The following FHIP1A variants were observed in gnomAD, a reference collection of about 807,000 sequenced individuals.
The protein encoded by FHIP1A is FHF complex subunit HOOK interacting protein 1A, also known as FHF complex subunit HOOK-interacting protein 1A.
Under a neutral mutation model 88.6 loss-of-function variants are expected in FHIP1A, and 61 were observed. The ratio of observed to expected loss-of-function variants is 0.69; its 90% confidence interval spans 0.56 to 0.85. The LOEUF is 0.85. Ranked by LOEUF, FHIP1A falls within the 40% of genes least tolerant of loss-of-function variation. FHIP1A has a pLI of 0.00. For synonymous variants in FHIP1A, 478 were observed against 496.0 expected (o/e 0.96, Z 0.48); for missense variants, 1,154 against 1,273.5 (o/e 0.91, Z 1.43).
Position 151,665,875 on chromosome 4 carries a change from T to C in FHIP1A, c.*3121T>C, listed in dbSNP as rs1321970161. 7.2e-5 allele frequency among the ~76,000 whole-genome samples: 11 copies of C among 152,248 alleles called. No homozygotes were observed. Among genetic ancestry groups the C allele is most frequent in the Admixed American group, 7.2e-4 (11 of 15,288 alleles). ...GTGGACACTTCTCTATGTGACAGGCTCCTACACCAGTCGCTGTGCTCCTTG... is the reference window on the plus strand; with the variant it reads ...GTGGACACTTCTCTATGTGACAGGCCCCTACACCAGTCGCTGTGCTCCTTG... On this transcript the variant is annotated 3_prime_UTR_variant, in exon 14 of 14. Coordinates refer to ENST00000435205, the MANE Select transcript of FHIP1A (RefSeq NM_001109977.3).
intron 1 of FHIP1A, among the ~76,000 whole-genome samples, chr4:151,429,452 T>C (rs555224509): frequency 1.3e-4 from 20 of 152,352 alleles, no homozygotes; most frequent in African/African-American, 4.6e-4. Context: ...GTTACCTCCT[T>C]ATTTCATAGC....
intron 3 of FHIP1A, among the ~76,000 whole-genome samples, chr4:151,512,063 A>G (rs1731055051): frequency 6.6e-6 from 1 of 152,200 alleles, no homozygotes; most frequent in Admixed American, 6.5e-5. Context: ...GACACCTCAC[A>G]CGGCCGGGTA....
chr4:151,626,489 A>G (rs1735955369), intron 7 of FHIP1A, among the ~76,000 whole-genome samples: 2 of 152,234 alleles, frequency 1.3e-5, no homozygotes, highest in African/African-American at 2.4e-5. Flanking sequence ...CATTCTTTAG[A>G]GTAACAACTG....
At chr4:151,643,860 T>C (rs1736688937) in intron 9 of FHIP1A, among the ~76,000 whole-genome samples, 1 of 152,260 alleles carries the variant, frequency 6.6e-6, no homozygotes, top group Non-Finnish European at 1.5e-5. Context: ...AGAAAATTTT[T>C]AGTTTCTACT....
intron 1 of FHIP1A, among the ~76,000 whole-genome samples, chr4:151,447,546 C>G: frequency 6.6e-6 from 1 of 152,142 alleles, no homozygotes; most frequent in East Asian, 1.9e-4. Flanking sequence ...TCACCCTCTG[C>G]CCACTATCAT....
intron 3 of FHIP1A, among the ~76,000 whole-genome samples, chr4:151,484,305 G>A (rs543635077): frequency 1.3e-5 from 2 of 152,206 alleles, no homozygotes; most frequent in Non-Finnish European, 2.9e-5. Flanking sequence ...CTAGAAAGCA[G>A]CATGAGTGAT....
At chr4:151,631,744 T>C (rs1244218532) in intron 8 of FHIP1A, among the ~76,000 whole-genome samples, 1 of 152,162 alleles carries the variant, frequency 6.6e-6, no homozygotes, top group African/African-American at 2.4e-5. Context: ...TTACCTGCTC[T>C]AGCCATGTCC....
chr4:151,437,745 C>T (rs1366181472), intron 1 of FHIP1A, among the ~76,000 whole-genome samples: 1 of 152,082 alleles, frequency 6.6e-6, no homozygotes, highest in Non-Finnish European at 1.5e-5. Flanking sequence ...TGGCATGTGA[C>T]ACATAGTCAA....
At chr4:151,456,931 T>G (rs1728987246) in intron 2 of FHIP1A, among the ~76,000 whole-genome samples, 1 of 152,178 alleles carries the variant, frequency 6.6e-6, no homozygotes. Flanking sequence ...AAAAACCTAT[T>G]TGTTTTTATT....
At chr4:151,620,306 C>G (rs1172845826) in intron 7 of FHIP1A, among the ~76,000 whole-genome samples, 1 of 152,186 alleles carries the variant, frequency 6.6e-6, no homozygotes, top group African/African-American at 2.4e-5. Flanking sequence ...GCACCCTTCT[C>G]TAATTGGCAG....
chr4:151,441,642 G>T (rs1054707786), intron 1 of FHIP1A, among the ~76,000 whole-genome samples: 2 of 152,118 alleles, frequency 1.3e-5, no homozygotes, highest in African/African-American at 4.8e-5. Context: ...CTCAGACATT[G>T]GCTTAAGATT....
At chr4:151,651,828 T>C (rs772816263) in intron 11 of FHIP1A, among the ~76,000 whole-genome samples, 63 of 152,248 alleles carry the variant, frequency 4.1e-4, no homozygotes, top group Non-Finnish European at 6.0e-4. Context: ...AGAAAGCTTT[T>C]AATTCCACAA....
Position 151,429,719 on chromosome 4 carries a change from T to C in FHIP1A, c.-356+20254T>C, listed in dbSNP as rs1053266788. ...CAAAAATTAGCCAGGTGTAGTGGCATGTGCCTGTGGTCCCAGCAGTTCAGG... is the reference window on the plus strand; with the variant it reads ...CAAAAATTAGCCAGGTGTAGTGGCACGTGCCTGTGGTCCCAGCAGTTCAGG... On this transcript the variant is annotated intron_variant, in intron 1 of 13. Transcript: ENST00000435205. Among the ~76,000 whole-genome samples the C allele has an allele frequency of 3.9e-5, 6 of 152,112 alleles. 1 individual carries two copies. The highest frequency in any genetic ancestry group is 3.9e-4 in the Admixed American group (6 of 15,272).
intron 1 of FHIP1A, among the ~76,000 whole-genome samples, chr4:151,424,999 G>A (rs951819170): frequency 3.9e-5 from 6 of 152,152 alleles, no homozygotes; most frequent in African/African-American, 9.7e-5. Context: ...TTAAGTTAAA[G>A]GTTGATGGGG....
Position 151,650,479 on chromosome 4 carries a change from C to T in FHIP1A, c.2438C>T (p.Ser813Phe), listed in dbSNP as rs373341384. ...ELEDEEDDFD[S>F]FIAEMPAVET... ...GAAGATGAGGAGGATGACTTTGACT[C>T]TTTTATAGCGGAGATGCCTGCTGTA... is the stretch of plus-strand genomic sequence containing the variant. The change falls in exon 11 of 14, where the codon TCT (serine) becomes TTT (phenylalanine). Residue 813 changes from serine (S) to phenylalanine (F), a missense_variant. Physicochemically the swap from Ser to Phe is radical, Grantham distance 155 (BLOSUM62 -2). Coordinates refer to ENST00000435205, the MANE Select transcript of FHIP1A (RefSeq NM_001109977.3). 6 of 1,551,584 alleles carry T rather than the reference C, an allele frequency of 3.9e-6. No homozygotes were observed. The highest frequency in any genetic ancestry group is 3.6e-5 in the South Asian group (3 of 84,064).
Position 151,594,851 on chromosome 4 carries a change from G to A in FHIP1A, c.978+5925G>A, listed in dbSNP as rs189934309. ...GCCTCCCAAAGTGCTGGGATTACAG[G>A]TGTGAGCCACCGCACCCAGCCACCT... On this transcript the variant is annotated intron_variant, in intron 7 of 13. Coordinates refer to ENST00000435205, the MANE Select transcript of FHIP1A (RefSeq NM_001109977.3). Among the ~76,000 whole-genome samples the A allele has an allele frequency of 3.0e-4, 45 of 152,246 alleles. No homozygotes were observed. The East Asian group carries it at 8.5e-3, about 29-fold the overall frequency.
chr4:151,566,307 C>A lies in FHIP1A; in HGVS notation c.48C>A (p.Ser16Arg). ...AAAGCAAACTCCAGCAGGCTGTGAG[C>A]CTACAGGGAGTTGACCCAGAAACAT... is the stretch of plus-strand genomic sequence containing the variant. ...STESKLQQAVSLQGVDPETCM... is the reference protein window; with the variant it reads ...STESKLQQAVRLQGVDPETCM... The change falls in exon 4 of 14, where the codon AGC (serine) becomes AGA (arginine). Residue 16 changes from serine (S) to arginine (R), a missense_variant. Coordinates refer to ENST00000435205, the MANE Select transcript of FHIP1A (RefSeq NM_001109977.3). 6.4e-7 allele frequency: 1 copy of A among 1,550,890 alleles called. No individual in the cohort carries two copies. Among genetic ancestry groups the A allele is most frequent in the Non-Finnish European group, 8.7e-7 (1 of 1,146,368 alleles).
chr4:151,636,335 G>A (rs966538082), intron 8 of FHIP1A, among the ~76,000 whole-genome samples: 1 of 151,934 alleles, frequency 6.6e-6, no homozygotes, highest in African/African-American at 2.4e-5. Context: ...AGTGAAGAAT[G>A]TTTTTCACTA....
intron 2 of FHIP1A, among the ~76,000 whole-genome samples, chr4:151,463,466 C>T (rs1312598954): frequency 6.6e-6 from 1 of 152,180 alleles, no homozygotes; most frequent in Non-Finnish European, 1.5e-5. Context: ...TTTGGCATTC[C>T]AGGAATGGAT....
Sources: allele counts gnomAD v4.1 joint callset (sites outside exome capture counted in the v4.1 genomes callset), GRCh38; gene constraint gnomAD v4.1.1; transcripts MANE v1.5; gene names NCBI Gene and HGNC (gene_info 2026-07-23, HGNC 2026-07-21).